SSBP3: variants seen among roughly 807,000 people sequenced by gnomAD.
SSBP3 encodes single stranded DNA binding protein 3.
Under a neutral mutation model 69.6 loss-of-function variants are expected in SSBP3, and 5 were observed. The ratio of observed to expected loss-of-function variants is 0.07; its 90% CI spans 0.04 to 0.15. SSBP3 has a LOEUF of 0.15. Ranked by LOEUF, SSBP3 falls within the 10% of genes least tolerant of loss-of-function variation. The pLI, the probability that SSBP3 is intolerant of heterozygous loss-of-function variation, is 1.00. For missense variants in SSBP3, 312 were observed against 534.0 expected (o/e 0.58, Z 4.10); for synonymous variants, 196 against 193.4 (o/e 1.01, Z -0.11).
chr1:54,370,762 G>C (rs1194331034), intron 4 of SSBP3, among the ~76,000 whole-genome samples: 1 of 152,078 alleles, frequency 6.6e-6, no homozygotes, highest in Non-Finnish European at 1.5e-5. Context: ...TGGCCCTCAG[G>C]CACTACATGT....
At chr1:54,405,815 C>G (rs1223233393) in intron 1 of SSBP3, 138 bp downstream of exon 1, 1 of 450,676 alleles carries the variant, frequency 2.2e-6, no homozygotes, top group South Asian at 9.4e-5. Flanking sequence ...GGGAAGGGGC[C>G]AGGCAGGCGG....
intron 9 of SSBP3, among the ~76,000 whole-genome samples, chr1:54,244,930 T>C (rs1644707075): frequency 6.6e-6 from 1 of 152,072 alleles, no homozygotes; most frequent in African/African-American, 2.4e-5. Flanking sequence ...TCTGTCCATC[T>C]CCCATCTCTC....
chr1:54,342,170 G>A (rs751381033), intron 4 of SSBP3, among the ~76,000 whole-genome samples: 1 of 152,254 alleles, frequency 6.6e-6, no homozygotes, highest in African/African-American at 2.4e-5. Context: ...CCAGGCTGCA[G>A]AGTCCAGGCA....
chr1:54,243,124 G>T, intron 10 of SSBP3, 111 bp downstream of exon 10: 2 of 932,582 alleles, frequency 2.1e-6, no homozygotes, highest in Non-Finnish European at 1.8e-6. Flanking sequence ...AGGAGACTGA[G>T]GTCCAGAGAG....
In SSBP3 at chr1:54,393,159, T is replaced by A. The variant is rs1458026037; in HGVS notation, c.276+8702A>T. Among the ~76,000 whole-genome samples the A allele has an allele frequency of 3.3e-5, 5 of 152,350 alleles. No homozygotes were observed. In the Middle Eastern group the frequency reaches 0.01, roughly 311 times the overall value. On this transcript the variant is annotated intron_variant, in intron 4 of 17. Coordinates refer to ENST00000610401, the Ensembl canonical transcript of SSBP3. The stretch of plus-strand genomic sequence containing the variant: ...AGAAAATGGACAGTGATGGGGCAAC[T>A]TCAGGCCAGGCACAGGCCAGAAGCA...
At chr1:54,369,442 A>G (rs1277170827) in intron 4 of SSBP3, among the ~76,000 whole-genome samples, 3 of 152,208 alleles carry the variant, frequency 2.0e-5, no homozygotes, top group Admixed American at 2.0e-4. Context: ...ACCAAGGTCA[A>G]GAATATCCAC....
intron 14 of SSBP3, among the ~76,000 whole-genome samples, 175 bp from the exon 15 acceptor site, chr1:54,229,001 G>A (rs939005830): frequency 6.6e-6 from 1 of 152,252 alleles, no homozygotes; most frequent in African/African-American, 2.4e-5. Context: ...CCTCACCTCG[G>A]CCCTCTAAGC....
chr1:54,241,789 G>C lies in SSBP3; in HGVS notation c.766-280C>G, dbSNP rs1421759873. Among the ~76,000 whole-genome samples the C allele has an allele frequency of 2.0e-5, 3 of 152,222 alleles. No homozygotes were observed. The East Asian group carries it at 5.8e-4, about 29-fold the overall frequency. On this transcript the variant is annotated intron_variant, in intron 11 of 17. Coordinates refer to ENST00000610401, the Ensembl canonical transcript of SSBP3. ...AAGGCCCTCCGGTTTGAGAGGGCAG[G>C]AAACAGCTTTACCCCACATTCCTCT...
chr1:54,261,473 G>C (rs1310698317), intron 5 of SSBP3, among the ~76,000 whole-genome samples: 1 of 152,226 alleles, frequency 6.6e-6, no homozygotes, highest in Non-Finnish European at 1.5e-5. Context: ...CCTTTGGTGG[G>C]ACGGGGGCCG....
intron 5 of SSBP3, among the ~76,000 whole-genome samples, chr1:54,267,038 C>A (rs552611630): frequency 1.2e-4 from 18 of 152,316 alleles, no homozygotes; most frequent in African/African-American, 3.4e-4. Flanking sequence ...TGAATCCCAG[C>A]CTTGAGTTCT....
chr1:54,228,397 C>T (rs1644324062), intron 16 of SSBP3, 41 bp from the exon 17 acceptor site: 4 of 1,614,222 alleles, frequency 2.5e-6, no homozygotes, highest in Non-Finnish European at 3.4e-6. Context: ...GTGTCCCCAA[C>T]AACCTGCCCA....
chr1:54,394,308 T>A (rs2100779352), intron 4 of SSBP3, among the ~76,000 whole-genome samples: 1 of 152,328 alleles, frequency 6.6e-6, no homozygotes, highest in Non-Finnish European at 1.5e-5. Context: ...TCACCTGCAA[T>A]CCTGCTATTT....
At chr1:54,306,249 A>G (rs1321474058) in intron 4 of SSBP3, among the ~76,000 whole-genome samples, 2 of 150,994 alleles carry the variant, frequency 1.3e-5, no homozygotes, top group African/African-American at 2.5e-5. Context: ...CACACTTGCT[A>G]AGTGAAAGAA....
intron 1 of SSBP3, among the ~76,000 whole-genome samples, chr1:54,405,232 C>T (rs1649634925): frequency 6.6e-6 from 1 of 152,226 alleles, no homozygotes; most frequent in Admixed American, 6.5e-5. Context: ...CACTCGACCC[C>T]ACAGCCACCT....
At chr1:54,365,965 G>A (rs938592695) in intron 4 of SSBP3, among the ~76,000 whole-genome samples, 4 of 152,132 alleles carry the variant, frequency 2.6e-5, no homozygotes, top group Non-Finnish European at 5.9e-5. Flanking sequence ...GAAACTAATC[G>A]CAGTTCTGAC....
chr1:54,404,699 C>A, intron 2 of SSBP3, 62 bp from the exon 3 acceptor site: 1 of 1,594,514 alleles, frequency 6.3e-7, no homozygotes, highest in South Asian at 1.1e-5. Context: ...GGGGGCTTCC[C>A]AGAGCCAAAA....
At position 54,310,867 on chromosome 1, in the gene SSBP3, T is replaced by C. The variant is rs376196853; in HGVS notation, c.277-29340A>G. The stretch of plus-strand genomic sequence containing the variant: ...CCCCCGCTTTATGCAGTGAGGGAGC[T>C]GAGCTGACTCACTGGGAGCATGCAG... On this transcript the variant is annotated intron_variant, in intron 4 of 17. Coordinates refer to ENST00000610401, the Ensembl canonical transcript of SSBP3. Among the ~76,000 whole-genome samples the C allele has an allele frequency of 1.1e-3, 161 of 152,332 alleles. 3 individuals carry two copies. The South Asian group carries it at 0.026, about 25-fold the overall frequency.
At chr1:54,374,559 A>G (rs990336108) in intron 4 of SSBP3, among the ~76,000 whole-genome samples, 2 of 152,220 alleles carry the variant, frequency 1.3e-5, no homozygotes, top group Non-Finnish European at 2.9e-5. Context: ...CAACTATCCT[A>G]TAATGGATGC....
At chr1:54,285,373 T>TG (rs1645469290) in intron 4 of SSBP3, 1 of 152,190 alleles carries the variant, frequency 6.6e-6, no homozygotes, top group South Asian at 2.1e-4. Context: ...GCTGAATCCC[T>TG]GCACCAACCC....
Sources: allele counts gnomAD v4.1 joint callset (sites outside exome capture counted in the v4.1 genomes callset), GRCh38; gene constraint gnomAD v4.1.1; transcripts MANE v1.5; gene names NCBI Gene and HGNC (gene_info 2026-07-23, HGNC 2026-07-21).